The following CLNK variants were observed in gnomAD, a reference collection of about 807,000 sequenced individuals.
CLNK encodes cytokine dependent hematopoietic cell linker.
CLNK carries 74 observed loss-of-function variants against 68.6 expected under a neutral mutation model. The ratio of observed to expected loss-of-function variants is 1.08; its 90% CI spans 0.89 to 1.31. The LOEUF is 1.31. Ranked by LOEUF, CLNK falls within the 50% of genes most tolerant of loss-of-function variation. The pLI is 0.00. For missense variants in CLNK, 553 were observed against 515.3 expected, an observed-to-expected ratio of 1.07 and a Z score of -0.71; for synonymous variants, 198 against 172.2, an observed-to-expected ratio of 1.15 and a Z score of -1.17.
intron 18 of CLNK, among the ~76,000 whole-genome samples, chr4:10,494,501 A>C (rs967111901): frequency 9.6e-5 from 14 of 146,140 alleles, no homozygotes; most frequent in South Asian, 2.1e-4. Context: ...TCTGTCACCC[A>C]GGCTGGATTG....
At chr4:10,724,113 A>G in the CLNK span, among the ~76,000 whole-genome samples, 7 of 152,206 alleles carry the variant, frequency 4.6e-5, no homozygotes, top group Admixed American at 2.0e-4. Context: ...ATTGGACTAA[A>G]GGAACTGTAT....
rs910558615 is a variant in CLNK at position 10,507,879 on chromosome 4, G to GT, written c.984+79dup. On this transcript the variant is annotated intron_variant, in intron 17 of 18. Coordinates refer to ENST00000226951, the MANE Select transcript of CLNK (RefSeq NM_052964.4). ...AATAATACATGAAAGCAAGCTGCTT[G>GT]TTACGTCTTGTGACACATAAGCAGA... is the stretch of plus-strand genomic sequence containing the variant. The GT allele has an allele frequency of 2.0e-5, 21 of 1,028,362 alleles. No homozygotes were observed. In the African/African-American group the frequency reaches 3.4e-4, roughly 17 times the overall value. The allele number at this position is 1,028,362 out of a possible 1,614,324, so 63.7% of individuals were successfully genotyped here.
intron 18 of CLNK, among the ~76,000 whole-genome samples, chr4:10,497,030 G>C (rs1175658965): frequency 1.3e-5 from 2 of 152,306 alleles, no homozygotes; most frequent in East Asian, 3.9e-4. Flanking sequence ...AAGATGCCAA[G>C]AATCTGGATA....
chr4:10,585,737 A>G (rs1413349919), intron 3 of CLNK, among the ~76,000 whole-genome samples: 1 of 152,222 alleles, frequency 6.6e-6, no homozygotes, highest in East Asian at 1.9e-4. Context: ...TGATCACTTG[A>G]GCCCAGGAGT....
chr4:10,685,509 G>C (rs1396712998), upstream of CLNK, among the ~76,000 whole-genome samples: 2 of 152,114 alleles, frequency 1.3e-5, no homozygotes, highest in African/African-American at 2.4e-5. Context: ...CTTAATCTTG[G>C]TCCATTTAAG....
At chr4:10,650,968 C>G (rs1577196789) in intron 2 of CLNK, among the ~76,000 whole-genome samples, 1 of 152,026 alleles carries the variant, frequency 6.6e-6, no homozygotes, top group Non-Finnish European at 1.5e-5. Context: ...ATCACTGGTC[C>G]TTAGAGATAT....
intron 15 of CLNK, among the ~76,000 whole-genome samples, chr4:10,516,634 C>T (rs977118438): frequency 7.3e-5 from 11 of 151,074 alleles, no homozygotes; most frequent in Non-Finnish European, 1.2e-4. Context: ...CTCACTGCAA[C>T]GTCTGCCTCC....
At chr4:10,655,799 A>G (rs1434090081) in intron 2 of CLNK, among the ~76,000 whole-genome samples, 1 of 151,662 alleles carries the variant, frequency 6.6e-6, no homozygotes, top group African/African-American at 2.4e-5. Flanking sequence ...ACAGGCACCC[A>G]CCACCACGCC....
intron 3 of CLNK, among the ~76,000 whole-genome samples, chr4:10,592,278 A>T (rs1721206720): frequency 6.6e-6 from 1 of 152,204 alleles, no homozygotes; most frequent in South Asian, 2.1e-4. Context: ...ATAAGCTATC[A>T]ATCAGTGCTC....
intron 2 of CLNK, among the ~76,000 whole-genome samples, chr4:10,667,573 A>C (rs1445745165): frequency 6.6e-6 from 1 of 152,046 alleles, no homozygotes; most frequent in African/African-American, 2.4e-5. Flanking sequence ...ATGGGTGGAA[A>C]CTGTCTGGGT....
chr4:10,635,230 T>C (rs1050146046), intron 2 of CLNK, among the ~76,000 whole-genome samples: 3 of 152,230 alleles, frequency 2.0e-5, no homozygotes, highest in Non-Finnish European at 2.9e-5. Flanking sequence ...ATTAGACATA[T>C]GTTGCTCATT....
chr4:10,647,834 T>A (rs1351761320), intron 2 of CLNK, among the ~76,000 whole-genome samples: 1 of 152,184 alleles, frequency 6.6e-6, no homozygotes, highest in Non-Finnish European at 1.5e-5. Flanking sequence ...GCAAGACCGA[T>A]AAACATAGAT....
chr4:10,689,745 A>ATTTT (rs71651341), upstream of CLNK, among the ~76,000 whole-genome samples: 70 of 100,082 alleles, frequency 7.0e-4, 2 homozygotes, highest in South Asian at 3.2e-3. Flanking sequence ...AAACCCATGC[A>ATTTT]TTTTTTTTTT....
At chr4:10,608,178 T>G (rs1344498406) in intron 2 of CLNK, among the ~76,000 whole-genome samples, 2 of 152,224 alleles carry the variant, frequency 1.3e-5, no homozygotes, top group African/African-American at 4.8e-5. Context: ...ACTAATCCCT[T>G]TCCACTCAAA....
chr4:10,611,714 A>G (rs1051096324), intron 2 of CLNK, among the ~76,000 whole-genome samples: 7 of 152,176 alleles, frequency 4.6e-5, no homozygotes, highest in East Asian at 3.8e-4. Flanking sequence ...GTGAGGCCCA[A>G]TGATGTGCTG....
chr4:10,708,857 A>G, the CLNK span, among the ~76,000 whole-genome samples: 2 of 152,220 alleles, frequency 1.3e-5, no homozygotes, highest in African/African-American at 2.4e-5. Context: ...CACGGAATGT[A>G]AAGGGAAAAA....
At chr4:10,684,332 G>A (rs763759572) in intron 1 of CLNK, among the ~76,000 whole-genome samples, 8 of 152,168 alleles carry the variant, frequency 5.3e-5, no homozygotes, top group Non-Finnish European at 8.8e-5. Context: ...CTTACTTAAT[G>A]AAGGTCAGCC....
rs755246133 is a variant in CLNK at position 10,520,760 on chromosome 4, GTTTAT to G, written c.772+26_772+30del. 13 of 1,565,224 alleles carry G rather than the reference GTTTAT, an allele frequency of 8.3e-6. No homozygotes were observed. The Admixed American group carries it at 2.3e-4, about 27-fold the overall frequency. Reference sequence around the variant, plus strand: ...AATATCACAGTATCGTGACTTACCTGTTTATTTTATAATTCTGAAAGTGCTCTTAC... The same window carrying G: ...AATATCACAGTATCGTGACTTACCTGTTTATAATTCTGAAAGTGCTCTTAC... On this transcript the variant is annotated intron_variant, in intron 15 of 18. Transcript: ENST00000226951.
At chr4:10,612,564 T>A (rs1177279336) in intron 2 of CLNK, among the ~76,000 whole-genome samples, 1 of 152,216 alleles carries the variant, frequency 6.6e-6, no homozygotes, top group East Asian at 1.9e-4. Flanking sequence ...CAGGCCTATC[T>A]GACCCAAAGA....
Sources: gnomAD v4.1 joint callset for allele counts (sites outside exome capture counted in the v4.1 genomes callset) on GRCh38, gnomAD v4.1.1 for gene constraint, MANE v1.5 for transcripts, NCBI Gene and HGNC (gene_info 2026-07-23, HGNC 2026-07-21) for gene names.